Variants in PNPLA7 observed in about 807,000 individuals in gnomAD.
PNPLA7 encodes the protein patatin like domain 7, lysophospholipase.
A neutral mutation model predicts 161.7 loss-of-function variants in PNPLA7; 153 were observed. The observed-to-expected ratio is 0.95, with a 90% CI of 0.83 to 1.08. The LOEUF (loss-of-function observed/expected upper bound fraction) is 1.08, where lower values mean the gene tolerates loss of function less well. Among genes scored for constraint, PNPLA7 ranks in the 50% least tolerant of loss-of-function variants. The pLI, the probability that PNPLA7 is intolerant of heterozygous loss-of-function variation, is 0.00. For missense variants in PNPLA7, 1,739 were observed against 1,856.6 expected (o/e 0.94, Z 1.16); for synonymous variants, 809 against 782.1 (o/e 1.03, Z -0.57).
chr9:137,512,238 C>T (rs1376064779), intron 12 of PNPLA7, among the ~76,000 whole-genome samples: 1 of 152,270 alleles, frequency 6.6e-6, no homozygotes, highest in Non-Finnish European at 1.5e-5. Context: ...TGTACACGCT[C>T]GTGCAGTGGA....
At chr9:137,538,341 G>A (rs914884666) in intron 8 of PNPLA7, among the ~76,000 whole-genome samples, 4 of 151,930 alleles carry the variant, frequency 2.6e-5, no homozygotes, top group East Asian at 1.9e-4. Flanking sequence ...AAGCGCACCT[G>A]TGCCCATCTG....
intron 12 of PNPLA7, 122 bp downstream of exon 12, chr9:137,515,257 G>A: frequency 7.6e-7 from 1 of 1,309,056 alleles, no homozygotes; most frequent in South Asian, 1.5e-5. Flanking sequence ...CTGGGCACGT[G>A]GGGCTCTAGT....
chr9:137,491,954 A>C (rs1024504230), intron 20 of PNPLA7: 3 of 985,340 alleles, frequency 3.0e-6, no homozygotes, highest in Admixed American at 1.2e-4. Flanking sequence ...GATGCAGGAC[A>C]CGCGGGAGCA....
rs570946011 is a variant in PNPLA7, at chr9:137,524,082, T to C, written c.748-1225A>G. 6.6e-6 allele frequency among the ~76,000 whole-genome samples: 1 copy of C among 152,358 alleles called. No homozygotes were observed. The highest frequency in any genetic ancestry group is 2.1e-4 in the South Asian group (1 of 4,828). Reference sequence around the variant, plus strand: ...GAAACAGAACAATCCCAACCTCCAATGCCCCTGGCAGCCTTTTCGCAACCT... The same window carrying C: ...GAAACAGAACAATCCCAACCTCCAACGCCCCTGGCAGCCTTTTCGCAACCT... On this transcript the variant is annotated intron_variant, in intron 8 of 34. Transcript: ENST00000406427. The surrounding 1 kb of genome is among the most constrained non-coding windows in gnomAD (Gnocchi z 4.4).
At chr9:137,501,750 G>A in intron 14 of PNPLA7, 23 bp from the exon 15 acceptor site, 1 of 1,609,944 alleles carries the variant, frequency 6.2e-7, no homozygotes, top group Non-Finnish European at 8.5e-7. Context: ...CAGACTTCAG[G>A]GAACACGGGC....
intron 14 of PNPLA7, among the ~76,000 whole-genome samples, chr9:137,502,829 A>T (rs907687712): frequency 1.3e-4 from 17 of 128,554 alleles, no homozygotes; most frequent in Middle Eastern, 4.1e-3. Context: ...TGGCCATTTT[A>T]AGGATTACTG....
Position 137,495,063 on chromosome 9 carries a change from G to T in PNPLA7, c.2097C>A (p.Ala699=), listed in dbSNP as rs1298723355. 6.2e-7 allele frequency: 1 copy of T among 1,610,412 alleles called. No individual in the cohort carries two copies. The highest frequency in any genetic ancestry group is 1.1e-5 in the South Asian group (1 of 91,006). The part of the protein sequence containing the change: ...DSELAKLPAG[A]LTSIKRRYPQ... ...GGTACCTGCGCTTGATGGACGTGAGGGCTCCTGCCGGCAGCTTGGCCAATT... is the reference window on the plus strand; with the variant it reads ...GGTACCTGCGCTTGATGGACGTGAGTGCTCCTGCCGGCAGCTTGGCCAATT... The change falls in exon 19 of 35, where the codon GCC becomes GCA. Residue 699 remains alanine (A), a synonymous_variant. Transcript: ENST00000406427.
chr9:137,505,578 T>C, intron 14 of PNPLA7, 36 bp downstream of exon 14: 3 of 1,609,236 alleles, frequency 1.9e-6, no homozygotes, highest in Non-Finnish European at 2.5e-6. Flanking sequence ...GGGCCCTGGG[T>C]GGGACAAGGG....
At chr9:137,518,197 A>C (rs1437109977) in intron 11 of PNPLA7, among the ~76,000 whole-genome samples, 5 of 64,760 alleles carry the variant, frequency 7.7e-5, no homozygotes, top group Non-Finnish European at 8.7e-5. Context: ...CCACTCACTC[A>C]CTCCACTCTG....
At chr9:137,517,689 C>T (rs1834682642) in intron 11 of PNPLA7, among the ~76,000 whole-genome samples, 1 of 89,600 alleles carries the variant, frequency 1.1e-5, no homozygotes. Flanking sequence ...CACTCACTCA[C>T]TCCACTCTGT....
At chr9:137,480,654 C>T (rs1344022565) in intron 22 of PNPLA7, 174 bp from the exon 23 acceptor site, 1 of 789,448 alleles carries the variant, frequency 1.3e-6, no homozygotes, top group African/African-American at 1.7e-5. Flanking sequence ...CCTAGGCAGT[C>T]ACGCAGAGGC....
At chr9:137,531,703 T>C (rs988481247) in intron 8 of PNPLA7, among the ~76,000 whole-genome samples, 2 of 152,210 alleles carry the variant, frequency 1.3e-5, no homozygotes, top group African/African-American at 4.8e-5. Flanking sequence ...TGAGGAATCC[T>C]GGTGTGATGC....
rs181438924 is a variant in PNPLA7 at position 137,517,395 on chromosome 9, G to A, written c.1085-1876C>T. 6.7e-3 allele frequency among the ~76,000 whole-genome samples: 376 copies of A among 55,730 alleles called. 23 individuals are homozygous for A. Among genetic ancestry groups the A allele is most frequent in the African/African-American group, 0.046 (314 of 6,818 alleles). 36.6% of individuals were successfully genotyped at this position (55,730 alleles called of 152,430 possible). A position where few individuals can be genotyped will look rare whatever the true frequency, so the allele number is the denominator to read the frequency against. ...ATCTCCCACTCACTCACTCCACTCT[G>A]TCCACTCCATCCCCCGTCACTCACT... is the stretch of plus-strand genomic sequence containing the variant. On this transcript the variant is annotated intron_variant, in intron 11 of 34. Transcript: ENST00000406427.
chr9:137,491,364 C>G, intron 20 of PNPLA7: 1 of 612,412 alleles, frequency 1.6e-6, no homozygotes, highest in Non-Finnish European at 2.0e-6. Flanking sequence ...AGAATAATTA[C>G]ACTAAGTATC....
intron 21 of PNPLA7, among the ~76,000 whole-genome samples, chr9:137,482,755 CGAT>C (rs1832283752): frequency 6.6e-6 from 1 of 152,256 alleles, no homozygotes; most frequent in South Asian, 2.1e-4. Context: ...GTCCCGGCCT[CGAT>C]GTTACCCCCT....
intron 15 of PNPLA7, 142 bp from the exon 16 acceptor site, chr9:137,501,038 T>A: frequency 1.5e-6 from 1 of 679,240 alleles, no homozygotes; most frequent in Non-Finnish European, 2.4e-6. Flanking sequence ...TGGACTTCAC[T>A]GGAAACATTT....
At chr9:137,464,001 A>T (rs1294644711) in intron 28 of PNPLA7, 125 bp downstream of exon 28, 2 of 1,083,114 alleles carry the variant, frequency 1.8e-6, no homozygotes, top group African/African-American at 3.2e-5. Context: ...TCCATGGACA[A>T]AGCTGCCCAT....
At chr9:137,473,817 T>A (rs1008738260) in intron 25 of PNPLA7, among the ~76,000 whole-genome samples, 4 of 152,080 alleles carry the variant, frequency 2.6e-5, no homozygotes, top group Admixed American at 2.6e-4. Flanking sequence ...TCGGTGGGGA[T>A]GTGGGTCACT....
Position 137,463,065 on chromosome 9 carries a change from C to A in PNPLA7, c.3344-232G>T. On this transcript the variant is annotated intron_variant, in intron 29 of 34. Coordinates refer to ENST00000406427, the MANE Select transcript of PNPLA7 (RefSeq NM_001098537.3). ...CCCACAGGTGACAGGAGTGGCCTGGCCTGGCCCCCAGCAAGCTCGACACCT... is the reference window on the plus strand; with the variant it reads ...CCCACAGGTGACAGGAGTGGCCTGGACTGGCCCCCAGCAAGCTCGACACCT... The A allele has an allele frequency of 7.7e-6, 5 of 646,634 alleles. 1 individual carries two copies. The South Asian group carries it at 1.0e-4, about 13-fold the overall frequency. The allele number at this position is 646,634 out of a possible 1,614,324, so 40.1% of individuals were successfully genotyped here.
Sources: allele counts gnomAD v4.1 joint callset (sites outside exome capture counted in the v4.1 genomes callset), GRCh38; gene constraint gnomAD v4.1.1; non-coding constraint Gnocchi (gnomAD v3.1); transcripts MANE v1.5; gene names NCBI Gene and HGNC (gene_info 2026-07-23, HGNC 2026-07-21).